The following ALK variants were observed in gnomAD, a reference collection of about 807,000 sequenced individuals.
ALK encodes the protein ALK receptor tyrosine kinase.
A neutral mutation model predicts 163.1 loss-of-function variants in ALK; 74 were observed. The observed-to-expected ratio is 0.45, with a 90% confidence interval of 0.38 to 0.55. The LOEUF (loss-of-function observed/expected upper bound fraction) is 0.55. Ranked by LOEUF, ALK falls within the 20% of genes least tolerant of loss-of-function variation. ALK has a pLI of 0.00. For synonymous variants in ALK, 960 were observed against 843.2 expected (o/e 1.14, Z -2.40); for missense variants, 2,063 against 2,105.3 (o/e 0.98, Z 0.39).
intron 3 of ALK, among the ~76,000 whole-genome samples, chr2:29,535,202 C>A (rs1673221199): frequency 6.6e-6 from 1 of 152,198 alleles, no homozygotes; most frequent in Non-Finnish European, 1.5e-5. Flanking sequence ...AGACCTTCAC[C>A]CAGTGTGGCC....
intron 9 of ALK, among the ~76,000 whole-genome samples, chr2:29,279,275 A>G (rs1432509609): frequency 6.6e-6 from 1 of 152,186 alleles, no homozygotes; most frequent in African/African-American, 2.4e-5. Context: ...AACACGCACA[A>G]CCATCAGGAA....
rs987340323 is a variant in ALK at position 29,906,952 on chromosome 2, T to G, written c.667+13041A>C. 3.2e-3 allele frequency among the ~76,000 whole-genome samples: 447 copies of G among 140,078 alleles called. 2 individuals carry two copies. The highest frequency in any genetic ancestry group is 0.011 in the African/African-American group (426 of 37,438). 91.9% of individuals were successfully genotyped at this position (140,078 alleles called of 152,430 possible). On this transcript the variant is annotated intron_variant, in intron 1 of 28. Transcript: ENST00000389048. ...TACATTTAAGGTTTTTTTTTTTTTT[T>G]TTTTTTTTTTTTTTTGAGACAGAAT...
intron 22 of ALK, chr2:29,221,297 C>T (rs1339705790): frequency 2.0e-6 from 1 of 500,338 alleles, no homozygotes; most frequent in Non-Finnish European, 4.0e-6. Flanking sequence ...GGGATGGCCT[C>T]ACGAGTCTAT....
At chr2:29,534,828 A>G (rs985482195) in intron 3 of ALK, among the ~76,000 whole-genome samples, 4 of 152,124 alleles carry the variant, frequency 2.6e-5, no homozygotes, top group African/African-American at 9.7e-5. Flanking sequence ...GCACCTCAAT[A>G]ATGGAACCCT....
intron 1 of ALK, among the ~76,000 whole-genome samples, chr2:29,804,700 G>A (rs1490130231): frequency 6.6e-6 from 1 of 152,186 alleles, no homozygotes; most frequent in Non-Finnish European, 1.5e-5. Context: ...TTCCAAGTTG[G>A]AAAGTATGCC....
chr2:29,881,241 C>T (rs1666856826), intron 1 of ALK, among the ~76,000 whole-genome samples: 1 of 152,212 alleles, frequency 6.6e-6, no homozygotes, highest in Non-Finnish European at 1.5e-5. Flanking sequence ...GTTCCAGGGC[C>T]ACTAAGTGAA....
intron 12 of ALK, among the ~76,000 whole-genome samples, chr2:29,249,511 G>C (rs567986615): frequency 3.3e-5 from 5 of 152,198 alleles, no homozygotes; most frequent in African/African-American, 1.2e-4. Context: ...CCAGAGTCCA[G>C]GCATGGGCTT....
intron 4 of ALK, among the ~76,000 whole-genome samples, chr2:29,395,701 C>G (rs1453248187): frequency 6.6e-6 from 1 of 152,208 alleles, no homozygotes; most frequent in African/African-American, 2.4e-5. Context: ...TCTGAACTAC[C>G]TTGTTGGATA....
intron 8 of ALK, 37 bp downstream of exon 8, chr2:29,318,267 G>T (rs755363420): frequency 6.5e-7 from 1 of 1,527,090 alleles, no homozygotes; most frequent in Non-Finnish European, 9.1e-7. Context: ...AGAGGTGGGA[G>T]GAGAAATTAG....
intron 3 of ALK, among the ~76,000 whole-genome samples, chr2:29,576,613 C>G (rs1221909905): frequency 6.6e-6 from 1 of 152,180 alleles, no homozygotes; most frequent in Admixed American, 6.5e-5. Context: ...GAGCACAGGT[C>G]CCCAACCCCC....
chr2:29,399,355 C>G (rs951803785), intron 4 of ALK, among the ~76,000 whole-genome samples: 1 of 152,214 alleles, frequency 6.6e-6, no homozygotes, highest in African/African-American at 2.4e-5. Flanking sequence ...CCAGGGGACC[C>G]TCAGCTCAGT....
At chr2:29,208,179 A>C (rs1440233415) in intron 25 of ALK, 12 of 392,894 alleles carry the variant, frequency 3.1e-5, no homozygotes, top group Non-Finnish European at 5.4e-5. Context: ...CAGTGACACA[A>C]ATGAAGAATT....
At chr2:29,208,177 C>A in intron 25 of ALK, 1 of 391,306 alleles carries the variant, frequency 2.6e-6, no homozygotes. Flanking sequence ...CTCAGTGACA[C>A]AAATGAAGAA....
chr2:29,207,102 T>C (rs1182501778), intron 26 of ALK, 69 bp downstream of exon 26: 26 of 1,219,888 alleles, frequency 2.1e-5, no homozygotes, highest in Non-Finnish European at 1.9e-5. Flanking sequence ...GCTTAGAGTA[T>C]AGAGTCCTTT....
intron 24 of ALK, among the ~76,000 whole-genome samples, chr2:29,213,642 T>C (rs1669520672): frequency 6.6e-6 from 1 of 152,178 alleles, no homozygotes. Flanking sequence ...ACTTGTTTTA[T>C]GTAAGGGGCA....
chr2:29,530,062 CTTTTTTTT>C lies in ALK; in HGVS notation c.1154+1845_1154+1852del, dbSNP rs10536963. On this transcript the variant is annotated intron_variant, in intron 4 of 28. Transcript: ENST00000389048. ...GGATCAAATAATCAAAATAATCGCT[CTTTTTTTT>C]TTTTTTTTTTTTTTGCAAGATTCTT... 4.5e-4 allele frequency among the ~76,000 whole-genome samples: 46 copies of C among 101,906 alleles called. No individual in the cohort carries two copies. In the East Asian group the frequency reaches 4.5e-3, roughly 10 times the overall value. The allele number at this position is 101,906 out of a possible 152,430, so 66.9% of individuals were successfully genotyped here.
At chr2:29,497,716 T>A (rs1218453316) in intron 4 of ALK, among the ~76,000 whole-genome samples, 1 of 152,176 alleles carries the variant, frequency 6.6e-6, no homozygotes, top group East Asian at 1.9e-4. Flanking sequence ...GGTTCAATAT[T>A]CTGCTCACAT....
intron 3 of ALK, among the ~76,000 whole-genome samples, chr2:29,660,493 T>A (rs983700130): frequency 6.8e-6 from 1 of 147,166 alleles, no homozygotes; most frequent in Non-Finnish European, 1.5e-5. Context: ...ACTCCACCAA[T>A]CCCCAGGCCA....
intron 1 of ALK, among the ~76,000 whole-genome samples, chr2:29,847,359 C>T (rs994458513): frequency 3.9e-5 from 6 of 152,160 alleles, no homozygotes; most frequent in African/African-American, 1.4e-4. Flanking sequence ...CTGCCTGAGG[C>T]CCAAGGAGTT....
Sources: gnomAD v4.1 joint callset for allele counts (sites outside exome capture counted in the v4.1 genomes callset) on GRCh38, gnomAD v4.1.1 for gene constraint, MANE v1.5 for transcripts, NCBI Gene and HGNC (gene_info 2026-07-23, HGNC 2026-07-21) for gene names.